SSBP2: variants seen among roughly 807,000 people sequenced by gnomAD.
SSBP2 encodes single stranded DNA binding protein 2, also known as single-stranded DNA-binding protein 2.
A neutral mutation model predicts 61.8 loss-of-function variants in SSBP2; 17 were observed. The observed-to-expected ratio is 0.28, with a 90% confidence interval of 0.19 to 0.41. The LOEUF (loss-of-function observed/expected upper bound fraction) is 0.41, where lower values mean the gene tolerates loss of function less well. Among genes scored for constraint, SSBP2 ranks in the 10% least tolerant of loss-of-function variants. SSBP2 has a pLI of 1.00. For missense variants in SSBP2, 310 were observed against 458.7 expected, an observed-to-expected ratio of 0.68 and a Z score of 2.96; for synonymous variants, 139 against 141.3, an observed-to-expected ratio of 0.98 and a Z score of 0.12.
intron 4 of SSBP2, among the ~76,000 whole-genome samples, chr5:81,583,426 G>A (rs1247309841): frequency 4.6e-5 from 7 of 151,982 alleles, no homozygotes; most frequent in Non-Finnish European, 8.8e-5. Flanking sequence ...TCAGGAGATT[G>A]AGACCATCCT....
intron 4 of SSBP2, among the ~76,000 whole-genome samples, chr5:81,537,238 T>C (rs1298306965): frequency 6.6e-6 from 1 of 152,094 alleles, no homozygotes; most frequent in Non-Finnish European, 1.5e-5. Context: ...AAAGGTTAAC[T>C]TACCTAAAAA....
At chr5:81,605,804 C>T (rs568583724) in intron 4 of SSBP2, among the ~76,000 whole-genome samples, 2 of 152,216 alleles carry the variant, frequency 1.3e-5, no homozygotes, top group African/African-American at 2.4e-5. Flanking sequence ...TCACTATAGA[C>T]GCAGAGCTTG....
rs139026675 is a variant in SSBP2, at chr5:81,508,262, A to C, written c.372+5366T>G. ...TCTACTCTCTTCCCTCTGGATCCCA[A>C]GCAGCAAGACTTCCCAATTTAAGAA... On this transcript the variant is annotated intron_variant, in intron 5 of 16. Transcript: ENST00000320672. 7.1e-3 allele frequency among the ~76,000 whole-genome samples: 1,076 copies of C among 152,200 alleles called. 59 individuals carry two copies. Among genetic ancestry groups the C allele is most frequent in the Admixed American group, 0.065 (989 of 15,258 alleles).
intron 9 of SSBP2, among the ~76,000 whole-genome samples, chr5:81,463,097 C>T (rs1764652622): frequency 6.6e-6 from 1 of 151,804 alleles, no homozygotes; most frequent in East Asian, 1.9e-4. Flanking sequence ...TTCCAACATA[C>T]TAAGTGTTTC....
At chr5:81,727,388 A>G (rs769742986) in intron 1 of SSBP2, among the ~76,000 whole-genome samples, 29 of 152,164 alleles carry the variant, frequency 1.9e-4, no homozygotes, top group Admixed American at 7.2e-4. Flanking sequence ...TGTCTCTACT[A>G]AAAATACAAA....
At chr5:81,693,720 A>C (rs1340372283) in intron 1 of SSBP2, among the ~76,000 whole-genome samples, 1 of 152,230 alleles carries the variant, frequency 6.6e-6, no homozygotes, top group Non-Finnish European at 1.5e-5. Context: ...ACCCTCGTAC[A>C]TTGTTGGTGG....
chr5:81,527,474 G>T (rs1770033188), intron 4 of SSBP2, among the ~76,000 whole-genome samples: 1 of 152,036 alleles, frequency 6.6e-6, no homozygotes. Flanking sequence ...GTAGTGCAAT[G>T]AAATACAGGT....
chr5:81,627,872 A>G (rs428986), intron 3 of SSBP2, among the ~76,000 whole-genome samples: 77,575 of 151,758 alleles, frequency 0.51, 21,205 homozygotes, highest in East Asian at 0.81. Flanking sequence ...GACCAGCCTG[A>G]GCAACAACAG....
At chr5:81,460,110 T>G (rs966508525) in intron 10 of SSBP2, among the ~76,000 whole-genome samples, 1 of 152,260 alleles carries the variant, frequency 6.6e-6, no homozygotes, top group Non-Finnish European at 1.5e-5. Flanking sequence ...TTTAGGATGA[T>G]TCTTCCTATA....
chr5:81,729,145 T>C (rs1756090070), intron 1 of SSBP2, among the ~76,000 whole-genome samples: 1 of 152,102 alleles, frequency 6.6e-6, no homozygotes, highest in Non-Finnish European at 1.5e-5. Flanking sequence ...AAAATAAAAA[T>C]TATAATGTTA....
intron 1 of SSBP2, among the ~76,000 whole-genome samples, chr5:81,685,793 G>A (rs988027147): frequency 1.3e-5 from 2 of 152,130 alleles, no homozygotes; most frequent in African/African-American, 2.4e-5. Flanking sequence ...CCACTGGGTG[G>A]TCCACAAAAT....
intron 6 of SSBP2, among the ~76,000 whole-genome samples, chr5:81,488,616 A>G (rs1446243887): frequency 3.3e-5 from 5 of 151,872 alleles, no homozygotes; most frequent in African/African-American, 1.2e-4. Context: ...GGTTTGTTAC[A>G]TATGTATACA....
intron 3 of SSBP2, among the ~76,000 whole-genome samples, chr5:81,625,149 A>G (rs1271441069): frequency 6.6e-6 from 1 of 152,210 alleles, no homozygotes; most frequent in African/African-American, 2.4e-5. Context: ...GATAATTAGT[A>G]TACAAAAATG....
At chr5:81,469,927 G>T (rs1033291827) in intron 8 of SSBP2, among the ~76,000 whole-genome samples, 2 of 151,848 alleles carry the variant, frequency 1.3e-5, no homozygotes, top group African/African-American at 2.4e-5. Context: ...CTGACAAAAT[G>T]GCTGTTCAGA....
intron 6 of SSBP2, 98 bp downstream of exon 6, chr5:81,489,152 A>G: frequency 8.8e-7 from 1 of 1,136,992 alleles, no homozygotes; most frequent in Non-Finnish European, 1.3e-6. Flanking sequence ...ATGGGACAGA[A>G]AAAGGAGAAT....
At chr5:81,586,983 A>T (rs1409957992) in intron 4 of SSBP2, among the ~76,000 whole-genome samples, 1 of 152,134 alleles carries the variant, frequency 6.6e-6, no homozygotes, top group African/African-American at 2.4e-5. Flanking sequence ...AATTAAGTAC[A>T]TCCTGTGTTA....
chr5:81,747,408 A>G (rs572618377), intron 1 of SSBP2, among the ~76,000 whole-genome samples: 1 of 152,148 alleles, frequency 6.6e-6, no homozygotes, highest in South Asian at 2.1e-4. Context: ...TAATGGAGGA[A>G]AAAAAAAGCA....
chr5:81,562,349 G>T lies in SSBP2; in HGVS notation c.283-48632C>A, dbSNP rs181323420. Among the ~76,000 whole-genome samples, 41 of 152,202 alleles carry T rather than the reference G, an allele frequency of 2.7e-4. No homozygotes were observed. In the Middle Eastern group the frequency reaches 0.01, roughly 38 times the overall value. On this transcript the variant is annotated intron_variant, in intron 4 of 16. Transcript: ENST00000320672. ...ATACATTCTTTCAAATCCCATTAAGGGAGAGGAATATAAAAATTTCCCATA... is the reference window on the plus strand; with the variant it reads ...ATACATTCTTTCAAATCCCATTAAGTGAGAGGAATATAAAAATTTCCCATA...
At chr5:81,695,554 G>A (rs571692654) in intron 1 of SSBP2, among the ~76,000 whole-genome samples, 141 of 137,464 alleles carry the variant, frequency 1.0e-3, no homozygotes, top group African/African-American at 3.6e-3. Context: ...CTGTGTCCAA[G>A]TGTTCTCATT....
Sources: allele counts gnomAD v4.1 joint callset (sites outside exome capture counted in the v4.1 genomes callset), GRCh38; gene constraint gnomAD v4.1.1; transcripts MANE v1.5; gene names NCBI Gene and HGNC (gene_info 2026-07-23, HGNC 2026-07-21).